SLC35F4: variants seen among roughly 807,000 people sequenced by gnomAD.
SLC35F4 encodes the protein solute carrier family 35 member F4.
A neutral mutation model predicts 44.2 loss-of-function variants in SLC35F4; 24 were observed. The observed-to-expected ratio is 0.54, with a 90% CI of 0.39 to 0.76. The LOEUF (loss-of-function observed/expected upper bound fraction) is 0.76. Ranked by LOEUF, SLC35F4 falls within the 30% of genes least tolerant of loss-of-function variation. The pLI is 0.00. For synonymous variants in SLC35F4, 238 were observed against 223.6 expected, an observed-to-expected ratio of 1.06 and a Z score of -0.57; for missense variants, 562 against 586.1, an observed-to-expected ratio of 0.96 and a Z score of 0.42.
At chr14:57,793,677 AATAAAC>A (rs1207196373) in intron 1 of SLC35F4, among the ~76,000 whole-genome samples, 1 of 152,076 alleles carries the variant, frequency 6.6e-6, no homozygotes, top group African/African-American at 2.4e-5. Flanking sequence ...TTTGTGCTGC[AATAAAC>A]ATATGTGTCC....
intron 1 of SLC35F4, among the ~76,000 whole-genome samples, chr14:57,829,332 G>A (rs1418262870): frequency 6.6e-6 from 1 of 152,170 alleles, no homozygotes; most frequent in Non-Finnish European, 1.5e-5. Flanking sequence ...CGTGGGGGAA[G>A]GGAACTATGC....
At chr14:57,955,615 C>A (rs1341516886) in intron 1 of SLC35F4, among the ~76,000 whole-genome samples, 5 of 152,094 alleles carry the variant, frequency 3.3e-5, no homozygotes, top group Non-Finnish European at 7.4e-5. Flanking sequence ...AATCAATGTG[C>A]AAAAATCACA....
At position 57,587,065 on chromosome 14, in the gene SLC35F4, C is replaced by T. The variant is rs140891296; in HGVS notation, c.587+2151G>A. ...ATTAGAGAAATGCAAATCAAAACCA[C>T]GGTAACATACCATCTCAGGCCAGTT... On this transcript the variant is annotated intron_variant, in intron 3 of 7. Transcript: ENST00000556826. Among the ~76,000 whole-genome samples the T allele has an allele frequency of 1.7e-3, 258 of 152,252 alleles. 1 individual carries two copies. The highest frequency in any genetic ancestry group is 5.2e-3 in the African/African-American group (217 of 41,534).
At chr14:57,600,240 T>G (rs1407545401) in intron 1 of SLC35F4, among the ~76,000 whole-genome samples, 1 of 152,186 alleles carries the variant, frequency 6.6e-6, no homozygotes, top group Non-Finnish European at 1.5e-5. Flanking sequence ...CTTTTATAAG[T>G]GTGTTTCTTT....
chr14:57,577,875 G>A (rs1260049944), intron 4 of SLC35F4, among the ~76,000 whole-genome samples: 1 of 152,118 alleles, frequency 6.6e-6, no homozygotes, highest in Non-Finnish European at 1.5e-5. Context: ...TTAGCTGCAA[G>A]CAATTTGCTC....
chr14:57,940,365 C>T (rs1485372878), intron 1 of SLC35F4, among the ~76,000 whole-genome samples: 2 of 152,188 alleles, frequency 1.3e-5, no homozygotes, highest in East Asian at 3.9e-4. Flanking sequence ...CATTTAAAAA[C>T]AATCCTAAAA....
In SLC35F4 at chr14:57,743,991, T is replaced by C. The variant is rs140389081; in HGVS notation, c.103+121732A>G. On this transcript the variant is annotated intron_variant, in intron 1 of 7. Transcript: ENST00000556826. ...GACAAAAACCACGTGATTATCTCAA[T>C]AGACGCAGAAAAAGCCTTCAACAAA... 1.5e-3 allele frequency among the ~76,000 whole-genome samples: 228 copies of C among 152,264 alleles called. 1 individual carries two copies. The highest frequency in any genetic ancestry group is 6.8e-3 in the Middle Eastern group (2 of 294).
rs1451271500 is a variant in SLC35F4 at position 57,925,442 on chromosome 14, G to T, written n.282+56471C>A. On this transcript the variant is annotated intron_variant and non_coding_transcript_variant, in intron 1 of 1. Transcript: ENST00000556568. ...TGGTTGACCTCAAAGACCGAGATTA[G>T]GCAAGAACAGATTCTCCTAAGAAAT... 2.8e-5 allele frequency among the ~76,000 whole-genome samples: 4 copies of T among 143,500 alleles called. No homozygotes were observed. The East Asian group carries it at 8.5e-4, about 31-fold the overall frequency. 94.1% of individuals were successfully genotyped at this position (143,500 alleles called of 152,430 possible).
chr14:57,753,034 T>C (rs1179792434), intron 1 of SLC35F4, among the ~76,000 whole-genome samples: 3 of 152,148 alleles, frequency 2.0e-5, no homozygotes, highest in Admixed American at 6.5e-5. Flanking sequence ...GTCAGGATGC[T>C]CAGGGGATTG....
rs116029041 is a variant in SLC35F4 at position 57,929,127 on chromosome 14, T to A, written n.282+52786A>T. Among the ~76,000 whole-genome samples the A allele has an allele frequency of 2.1e-3, 315 of 152,326 alleles. 2 individuals carry two copies. Among genetic ancestry groups the A allele is most frequent in the African/African-American group, 7.3e-3 (302 of 41,578 alleles). On this transcript the variant is annotated intron_variant and non_coding_transcript_variant, in intron 1 of 1. Coordinates refer to the SLC35F4 transcript ENST00000556568. ...CCCTGCAAGGGTGGTGGGCCTGGAC[T>A]GAAAGAGATATGGTAATCAGAGTTC...
intron 1 of SLC35F4, among the ~76,000 whole-genome samples, chr14:57,831,781 T>G (rs10134519): frequency 0.44 from 66,482 of 151,968 alleles, 16,142 homozygotes; most frequent in African/African-American, 0.65. Flanking sequence ...AACATTAACT[T>G]TATCTTTATA....
At chr14:57,588,954 G>A (rs1286414173) in intron 3 of SLC35F4, among the ~76,000 whole-genome samples, 1 of 152,086 alleles carries the variant, frequency 6.6e-6, no homozygotes, top group Non-Finnish European at 1.5e-5. Flanking sequence ...TTAAAATGGG[G>A]ATAACACCAC....
At chr14:57,780,622 A>G (rs1375046599) in intron 1 of SLC35F4, among the ~76,000 whole-genome samples, 1 of 152,190 alleles carries the variant, frequency 6.6e-6, no homozygotes, top group Non-Finnish European at 1.5e-5. Flanking sequence ...AAGAACTCAA[A>G]TAGCCAAGGC....
At chr14:57,919,530 C>T (rs1889397103) in intron 1 of SLC35F4, among the ~76,000 whole-genome samples, 1 of 152,026 alleles carries the variant, frequency 6.6e-6, no homozygotes, top group African/African-American at 2.4e-5. Context: ...TGTGGGAAAG[C>T]GGGGAAGAAA....
chr14:57,775,853 A>G (rs1029619957), intron 1 of SLC35F4, among the ~76,000 whole-genome samples: 3 of 152,246 alleles, frequency 2.0e-5, no homozygotes, highest in Non-Finnish European at 1.5e-5. Context: ...AATGAAGATC[A>G]TTGAGATTCA....
At chr14:57,861,551 C>G (rs114365623) in intron 1 of SLC35F4, among the ~76,000 whole-genome samples, 2,655 of 152,296 alleles carry the variant, frequency 0.017, 82 homozygotes, top group African/African-American at 0.056. Context: ...TCTATACTCA[C>G]AGTTTCCAAT....
At chr14:57,816,515 CAT>C (rs1882615998) in intron 1 of SLC35F4, among the ~76,000 whole-genome samples, 1 of 152,134 alleles carries the variant, frequency 6.6e-6, no homozygotes, top group African/African-American at 2.4e-5. Flanking sequence ...AACCAGAAAA[CAT>C]ATACGATCTC....
At chr14:57,724,286 C>A (rs996652385) in intron 1 of SLC35F4, among the ~76,000 whole-genome samples, 2 of 152,138 alleles carry the variant, frequency 1.3e-5, no homozygotes, top group African/African-American at 4.8e-5. Context: ...CTTTTTGGAG[C>A]CTTTGGCAGG....
chr14:57,602,618 C>T (rs1394490285), intron 1 of SLC35F4: 1 of 151,920 alleles, frequency 6.6e-6, no homozygotes, highest in Non-Finnish European at 1.5e-5. Flanking sequence ...ATAATCATAC[C>T]TTGTATGTAA....
Sources: gnomAD v4.1 joint callset for allele counts (sites outside exome capture counted in the v4.1 genomes callset) on GRCh38, gnomAD v4.1.1 for gene constraint, MANE v1.5 for transcripts, NCBI Gene and HGNC (gene_info 2026-07-23, HGNC 2026-07-21) for gene names.